TRIM5: variants seen among roughly 807,000 people sequenced by gnomAD.
The protein encoded by TRIM5 is tripartite motif containing 5, also known as tripartite motif-containing protein 5.
TRIM5 carries 31 observed loss-of-function variants against 35.6 expected under a neutral mutation model. That is an observed-to-expected ratio of 0.87 (90% confidence interval 0.65 to 1.18). The LOEUF is 1.18. TRIM5 is among the 50% of genes most tolerant of loss of function. TRIM5 has a pLI of 0.00. For missense variants in TRIM5, 609 were observed against 591.6 expected (o/e 1.03, Z -0.31); for synonymous variants, 243 against 215.6 (o/e 1.13, Z -1.11).
the TRIM5 span, among the ~76,000 whole-genome samples, chr11:5,588,729 C>T: frequency 0.082 from 12,375 of 151,746 alleles, 537 homozygotes; most frequent in South Asian, 0.14. Context: ...TTAAACAATC[C>T]TAGGGTGTAT....
Position 5,679,103 on chromosome 11 carries a change from C to T in TRIM5, c.484G>A (p.Asp162Asn), listed in dbSNP as rs776463200. The change falls in exon 3 of 8, where the codon GAC becomes AAC. Residue 162 changes from aspartate to asparagine, a missense_variant. Physicochemically the swap from Asp to Asn is conservative, Grantham distance 23 (BLOSUM62 1). Coordinates refer to ENST00000380034, the MANE Select transcript of TRIM5 (RefSeq NM_033034.3). ...CAGGAAGCTTTCTCTTCTCTGATGT[C>T]AGCTTCTAACTCTTCAGCTTCCTGC... ...KQQEAEELEADIREEKASWKT... is the reference protein window; with the variant it reads ...KQQEAEELEANIREEKASWKT... The T allele has an allele frequency of 3.1e-6, 5 of 1,613,926 alleles. No individual in the cohort carries two copies. The South Asian group carries it at 3.3e-5, about 11-fold the overall frequency.
the TRIM5 span, chr11:5,641,143 T>C: frequency 1.2e-6 from 2 of 1,612,966 alleles, no homozygotes; most frequent in Non-Finnish European, 1.7e-6. Context: ...ACACTTTGAC[T>C]CATGTTTTCT....
chr11:5,615,625 G>A, the TRIM5 span, among the ~76,000 whole-genome samples: 30 of 149,720 alleles, frequency 2.0e-4, no homozygotes, highest in Non-Finnish European at 4.0e-4. Context: ...ATGGAGTCTC[G>A]TTCTGTCATC....
the TRIM5 span, among the ~76,000 whole-genome samples, chr11:5,604,175 T>C: frequency 3.0e-5 from 4 of 132,970 alleles, no homozygotes; most frequent in African/African-American, 5.1e-5. Context: ...TGTGTGTGTG[T>C]GCGTGTGTGT....
chr11:5,673,069 G>A (rs1851691134), intron 4 of TRIM5, among the ~76,000 whole-genome samples: 1 of 152,106 alleles, frequency 6.6e-6, no homozygotes, highest in Non-Finnish European at 1.5e-5. Flanking sequence ...GTAAATTTAA[G>A]TAAAACTATA....
the TRIM5 span, chr11:5,595,442 A>G: frequency 2.0e-5 from 3 of 152,246 alleles, no homozygotes; most frequent in African/African-American, 7.2e-5. Context: ...GTAATTTTAA[A>G]CTGATGAATT....
At chr11:5,592,913 T>TAA in the TRIM5 span, among the ~76,000 whole-genome samples, 1 of 70,448 alleles carries the variant, frequency 1.4e-5, no homozygotes, top group African/African-American at 6.2e-5. Flanking sequence ...TGAGATTGTC[T>TAA]CAAAAAAAAA....
the TRIM5 span, among the ~76,000 whole-genome samples, chr11:5,649,371 C>T: frequency 6.6e-6 from 1 of 152,210 alleles, no homozygotes; most frequent in East Asian, 1.9e-4. Context: ...AGGGGCTTGG[C>T]CATTCCTCGT....
chr11:5,615,624 C>T, the TRIM5 span, among the ~76,000 whole-genome samples: 2 of 149,584 alleles, frequency 1.3e-5, no homozygotes, highest in South Asian at 2.1e-4. Flanking sequence ...GATGGAGTCT[C>T]GTTCTGTCAT....
chr11:5,621,695 C>T, the TRIM5 span, among the ~76,000 whole-genome samples: 1 of 152,310 alleles, frequency 6.6e-6, no homozygotes, highest in Non-Finnish European at 1.5e-5. Context: ...TAGGGCAAAC[C>T]TGCCTCCCAT....
At chr11:5,594,136 C>T in the TRIM5 span, among the ~76,000 whole-genome samples, 53 of 152,256 alleles carry the variant, frequency 3.5e-4, no homozygotes, top group African/African-American at 1.2e-3. Context: ...TTATATCTAA[C>T]TTTTCGAGAC....
the TRIM5 span, chr11:5,619,688 ATTTTTTTTTTTTTTTTTTTTTT>A: frequency 1.5e-5 from 1 of 66,010 alleles, no homozygotes; most frequent in Non-Finnish European, 2.7e-5. Context: ...CCTGTTTTAA[ATTTTTTTTTTTTTTTTTTTTTT>A]TTTTTTTTTT....
chr11:5,634,453 A>G, the TRIM5 span, among the ~76,000 whole-genome samples: 18 of 150,634 alleles, frequency 1.2e-4, no homozygotes, highest in African/African-American at 3.9e-4. Flanking sequence ...AAAAATCGAT[A>G]TATAGATAAT....
the TRIM5 span, chr11:5,611,063 G>A: frequency 3.7e-6 from 6 of 1,614,172 alleles, no homozygotes; most frequent in South Asian, 1.1e-5. Context: ...CCAGGTATCA[G>A]CCTCAGAGTG....
chr11:5,681,230 G>A (rs1463285283), intron 1 of TRIM5, among the ~76,000 whole-genome samples: 1 of 152,168 alleles, frequency 6.6e-6, no homozygotes, highest in Non-Finnish European at 1.5e-5. Flanking sequence ...TCTGTTCCCG[G>A]AACAAACGGA....
the TRIM5 span, chr11:5,634,946 G>A: frequency 6.9e-7 from 1 of 1,453,452 alleles, no homozygotes; most frequent in African/African-American, 1.4e-5. Flanking sequence ...TGACACTAAG[G>A]GGTTTCTTTG....
At chr11:5,611,231 T>C in the TRIM5 span, 1 of 1,613,700 alleles carries the variant, frequency 6.2e-7, no homozygotes, top group Non-Finnish European at 8.5e-7. Context: ...TCACAAACCA[T>C]GGCTTCCCCA....
At chr11:5,601,561 C>G in the TRIM5 span, among the ~76,000 whole-genome samples, 1 of 152,086 alleles carries the variant, frequency 6.6e-6, no homozygotes, top group Non-Finnish European at 1.5e-5. Flanking sequence ...AGTTCGAGAT[C>G]AGCCTGGCCA....
chr11:5,670,048 T>G (rs1185788262), intron 4 of TRIM5: 1 of 154,710 alleles, frequency 6.5e-6, no homozygotes, highest in Non-Finnish European at 1.5e-5. Context: ...GTTTATTCTC[T>G]GTACATGAAG....
Sources: allele counts gnomAD v4.1 joint callset (sites outside exome capture counted in the v4.1 genomes callset), GRCh38; gene constraint gnomAD v4.1.1; transcripts MANE v1.5; gene names NCBI Gene and HGNC (gene_info 2026-07-23, HGNC 2026-07-21).